Variants in PPFIBP1 observed in about 807,000 individuals in gnomAD.
PPFIBP1 encodes the protein PPFIB scaffold protein 1.
PPFIBP1 carries 112 observed loss-of-function variants against 137.8 expected under a neutral mutation model. The observed-to-expected ratio is 0.81, with a 90% CI of 0.70 to 0.95. The LOEUF is 0.95. Among genes scored for constraint, PPFIBP1 ranks in the 40% least tolerant of loss-of-function variants. The probability of loss-of-function intolerance (pLI) is 0.00; values close to 1 mark genes in which losing one functional copy is unlikely to be tolerated. For synonymous variants in PPFIBP1, 378 were observed against 417.3 expected (o/e 0.91, Z 1.15); for missense variants, 1,083 against 1,196.6 (o/e 0.91, Z 1.40).
At chr12:27,672,885 T>A (rs1426620625) in intron 15 of PPFIBP1, among the ~76,000 whole-genome samples, 1 of 152,220 alleles carries the variant, frequency 6.6e-6, no homozygotes, top group East Asian at 1.9e-4. Flanking sequence ...TTTTATGAAC[T>A]GACCTAATAT....
chr12:27,535,373 T>G (rs7961615), intron 1 of PPFIBP1, among the ~76,000 whole-genome samples: 25,826 of 152,150 alleles, frequency 0.17, 2,436 homozygotes, highest in Middle Eastern at 0.26. Flanking sequence ...CTTCATCTTT[T>G]TATTATACAA....
chr12:27,653,275 A>G (rs1179142909), intron 7 of PPFIBP1, among the ~76,000 whole-genome samples: 1 of 152,184 alleles, frequency 6.6e-6, no homozygotes, highest in Non-Finnish European at 1.5e-5. Context: ...GCAGGAATAC[A>G]TGCATGTCTT....
At chr12:27,613,501 G>A (rs1348357023) in intron 2 of PPFIBP1, among the ~76,000 whole-genome samples, 1 of 152,078 alleles carries the variant, frequency 6.6e-6, no homozygotes, top group Admixed American at 6.5e-5. Flanking sequence ...TCAGGAATTC[G>A]AGACCAGCCT....
At chr12:27,568,688 T>G (rs941030965) in intron 1 of PPFIBP1, among the ~76,000 whole-genome samples, 4 of 152,200 alleles carry the variant, frequency 2.6e-5, no homozygotes, top group Non-Finnish European at 1.5e-5. Flanking sequence ...CTTCCTAAAA[T>G]TATTTAATGG....
intron 1 of PPFIBP1, among the ~76,000 whole-genome samples, chr12:27,535,768 T>C (rs976442163): frequency 3.9e-5 from 6 of 152,228 alleles, no homozygotes; most frequent in African/African-American, 1.4e-4. Context: ...TGTCGACGCA[T>C]ATGTATATTG....
intron 1 of PPFIBP1, among the ~76,000 whole-genome samples, chr12:27,567,172 A>G (rs1057076208): frequency 6.6e-6 from 1 of 152,250 alleles, no homozygotes; most frequent in African/African-American, 2.4e-5. Context: ...AATACAATTC[A>G]GACCATGGGG....
At chr12:27,604,998 A>G (rs1424063381) in intron 2 of PPFIBP1, among the ~76,000 whole-genome samples, 1 of 152,102 alleles carries the variant, frequency 6.6e-6, no homozygotes, top group Non-Finnish European at 1.5e-5. Context: ...CAAGAACAGC[A>G]TGGGAAAGAC....
chr12:27,585,831 C>T (rs1251856601), intron 2 of PPFIBP1, among the ~76,000 whole-genome samples: 3 of 152,006 alleles, frequency 2.0e-5, no homozygotes, highest in Non-Finnish European at 4.4e-5. Context: ...AGGCCAGTTC[C>T]AAGAAGAGGT....
chr12:27,672,339 T>G (rs969253944), intron 14 of PPFIBP1, 88 bp from the exon 15 acceptor site: 1 of 1,007,176 alleles, frequency 9.9e-7, no homozygotes, highest in African/African-American at 1.7e-5. Context: ...TTGCATAATT[T>G]TTTGTTTTTG....
rs149117319 is a variant in PPFIBP1, at chr12:27,568,007, C to T, written c.-123-10145C>T. Among the ~76,000 whole-genome samples, 27 of 152,306 alleles carry T rather than the reference C, an allele frequency of 1.8e-4. 1 individual carries two copies. In the East Asian group the frequency reaches 5.2e-3, roughly 29 times the overall value. Reference sequence around the variant, plus strand: ...TCAGCCTCCCAAGTAGATGGGATTGCAGGCTCTCACCACGGTGCCCAGCCA... The same window carrying T: ...TCAGCCTCCCAAGTAGATGGGATTGTAGGCTCTCACCACGGTGCCCAGCCA... On this transcript the variant is annotated intron_variant, in intron 1 of 29. Coordinates refer to ENST00000228425, the MANE Select transcript of PPFIBP1 (RefSeq NM_003622.4).
At chr12:27,632,692 A>G (rs560153653) in intron 2 of PPFIBP1, among the ~76,000 whole-genome samples, 41 of 152,314 alleles carry the variant, frequency 2.7e-4, no homozygotes, top group African/African-American at 9.6e-4. Context: ...AAAATCAAAC[A>G]TCTTTTATCC....
At chr12:27,625,447 A>C (rs2056732387) in intron 2 of PPFIBP1, among the ~76,000 whole-genome samples, 1 of 152,162 alleles carries the variant, frequency 6.6e-6, no homozygotes, top group South Asian at 2.1e-4. Flanking sequence ...CTAAAAAATA[A>C]GGACTCAAAA....
chr12:27,581,558 T>C (rs2051119294), intron 2 of PPFIBP1, among the ~76,000 whole-genome samples: 1 of 152,212 alleles, frequency 6.6e-6, no homozygotes, highest in African/African-American at 2.4e-5. Context: ...AAGAAAAGCA[T>C]CTACTGTGGA....
chr12:27,676,361 G>A (rs1183618089), intron 17 of PPFIBP1, 67 bp from the exon 18 acceptor site: 12 of 1,273,432 alleles, frequency 9.4e-6, no homozygotes, highest in Middle Eastern at 2.8e-4. Flanking sequence ...AGTATTTGCT[G>A]TTAGCCTGGC....
chr12:27,571,341 C>A (rs2136670831), intron 1 of PPFIBP1, among the ~76,000 whole-genome samples: 1 of 152,136 alleles, frequency 6.6e-6, no homozygotes, highest in East Asian at 1.9e-4. Context: ...AATGAAGGGC[C>A]AAAGGCTATT....
intron 4 of PPFIBP1, chr12:27,636,948 G>C (rs552023433): frequency 1.9e-3 from 294 of 152,294 alleles, no homozygotes; most frequent in African/African-American, 6.8e-3. Context: ...ACTCTGCCTG[G>C]AAAGCTCTTT....
At position 27,539,989 on chromosome 12, in the gene PPFIBP1, A is replaced by G. The variant is rs533317567; in HGVS notation, c.-124+15624A>G. Among the ~76,000 whole-genome samples, 3 of 152,246 alleles carry G rather than the reference A, an allele frequency of 2.0e-5. 1 individual carries two copies. The South Asian group carries it at 6.2e-4, about 32-fold the overall frequency. On this transcript the variant is annotated intron_variant, in intron 1 of 29. Coordinates refer to ENST00000228425, the MANE Select transcript of PPFIBP1 (RefSeq NM_003622.4). ...AAAATGTCTGTAAATATTTCTAAGG[A>G]CTGTAAAACATTCCATCTGTGGGTG...
chr12:27,631,022 C>T (rs369471662), intron 2 of PPFIBP1, among the ~76,000 whole-genome samples: 8 of 152,150 alleles, frequency 5.3e-5, no homozygotes, highest in African/African-American at 1.9e-4. Context: ...CAACTGGCAA[C>T]ATAGTGAGAC....
At chr12:27,614,993 A>T (rs1187580085) in intron 2 of PPFIBP1, among the ~76,000 whole-genome samples, 2 of 152,196 alleles carry the variant, frequency 1.3e-5, no homozygotes, top group Non-Finnish European at 2.9e-5. Flanking sequence ...ACACTTCTTG[A>T]TTTGGTTCAT....
Sources: allele counts gnomAD v4.1 joint callset (sites outside exome capture counted in the v4.1 genomes callset), GRCh38; gene constraint gnomAD v4.1.1; transcripts MANE v1.5; gene names NCBI Gene and HGNC (gene_info 2026-07-23, HGNC 2026-07-21).